MSH3: variants seen among roughly 807,000 people sequenced by gnomAD.
The protein encoded by MSH3 is DNA mismatch repair protein Msh3.
Under a neutral mutation model 123.3 loss-of-function variants are expected in MSH3, and 106 were observed. That is an observed-to-expected ratio of 0.86 (90% CI 0.73 to 1.01). The LOEUF is 1.01. MSH3 is among the 50% of genes least tolerant of loss of function. The probability of loss-of-function intolerance (pLI) is 0.00; values close to 1 mark genes in which losing one functional copy is unlikely to be tolerated. For missense variants in MSH3, 1,459 were observed against 1,347.6 expected (o/e 1.08, Z -1.29); for synonymous variants, 515 against 481.4 (o/e 1.07, Z -0.91).
At chr5:80,863,668 AAAAAG>A (rs897584334) in intron 21 of MSH3, among the ~76,000 whole-genome samples, 1 of 152,094 alleles carries the variant, frequency 6.6e-6, no homozygotes, top group Non-Finnish European at 1.5e-5. Context: ...CAAAAAAAAA[AAAAAG>A]AAAAGAAATA....
chr5:80,862,936 A>G (rs779435199), intron 21 of MSH3, among the ~76,000 whole-genome samples: 3 of 152,240 alleles, frequency 2.0e-5, no homozygotes, highest in Non-Finnish European at 2.9e-5. Context: ...TCAGACAGCA[A>G]TGATCAATAG....
intron 12 of MSH3, among the ~76,000 whole-genome samples, chr5:80,752,379 A>G (rs955827177): frequency 6.6e-6 from 1 of 151,954 alleles, no homozygotes; most frequent in African/African-American, 2.4e-5. Flanking sequence ...ACTGTGCTTT[A>G]TTTTTTATCT....
intron 19 of MSH3, among the ~76,000 whole-genome samples, chr5:80,805,698 G>A (rs779891147): frequency 2.0e-5 from 3 of 146,906 alleles, no homozygotes; most frequent in Admixed American, 7.0e-5. Flanking sequence ...GGGTTCAGGC[G>A]ATTCTCCTGC....
intron 8 of MSH3, among the ~76,000 whole-genome samples, chr5:80,696,037 G>A (rs114194669): frequency 6.6e-5 from 10 of 152,254 alleles, no homozygotes; most frequent in Admixed American, 3.9e-4. Flanking sequence ...CTTGGTTTCC[G>A]TTGAAACCCG....
At chr5:80,730,571 T>A (rs1348735303) in intron 10 of MSH3, among the ~76,000 whole-genome samples, 3 of 152,182 alleles carry the variant, frequency 2.0e-5, no homozygotes, top group African/African-American at 7.2e-5. Flanking sequence ...CATTATACCC[T>A]CATTGGATTC....
At chr5:80,847,555 A>G (rs1745745707) in intron 20 of MSH3, among the ~76,000 whole-genome samples, 2 of 152,202 alleles carry the variant, frequency 1.3e-5, no homozygotes, top group African/African-American at 2.4e-5. Flanking sequence ...CAATGTAGAT[A>G]AAGTCAGTAA....
chr5:80,696,641 T>G (rs1211438241), intron 8 of MSH3, among the ~76,000 whole-genome samples: 1 of 152,208 alleles, frequency 6.6e-6, no homozygotes, highest in African/African-American at 2.4e-5. Context: ...AGTCGTCTTA[T>G]GTTTGTTTGA....
chr5:80,762,682 C>T (rs1050510249), intron 13 of MSH3, among the ~76,000 whole-genome samples: 3 of 151,396 alleles, frequency 2.0e-5, no homozygotes, highest in African/African-American at 7.3e-5. Flanking sequence ...AATGTAACTC[C>T]TTGCCAATTT....
intron 13 of MSH3, among the ~76,000 whole-genome samples, chr5:80,767,067 C>A (rs547794614): frequency 6.6e-6 from 1 of 152,156 alleles, no homozygotes; most frequent in South Asian, 2.1e-4. Flanking sequence ...GCAAACAGAT[C>A]TTAATTTTCT....
At chr5:80,700,438 G>A (rs1055823323) in intron 8 of MSH3, among the ~76,000 whole-genome samples, 2 of 152,266 alleles carry the variant, frequency 1.3e-5, no homozygotes, top group African/African-American at 4.8e-5. Context: ...GTAGGAAAAT[G>A]TTTGCCACTG....
chr5:80,775,576 T>G (rs908120247), intron 15 of MSH3, 118 bp from the exon 16 acceptor site: 1 of 660,642 alleles, frequency 1.5e-6, no homozygotes. Flanking sequence ...AAAACAATAC[T>G]GGACTTATCT....
intron 17 of MSH3, among the ~76,000 whole-genome samples, chr5:80,781,057 G>A (rs1489991735): frequency 6.6e-6 from 1 of 152,218 alleles, no homozygotes; most frequent in Non-Finnish European, 1.5e-5. Flanking sequence ...ACCAGGAAGA[G>A]ATTCCAATTT....
At chr5:80,860,660 C>T (rs749090535) in intron 21 of MSH3, among the ~76,000 whole-genome samples, 1 of 151,654 alleles carries the variant, frequency 6.6e-6, no homozygotes, top group African/African-American at 2.4e-5. Context: ...GGACATTTAT[C>T]CCGTTTGGTG....
rs1430958496 is a variant in MSH3, at chr5:80,743,620, G to A, written c.1654-886G>A. ...AGCACTTTGGGAGGCCGAGGCGGGC[G>A]GATCACGAGGTCAGGAGATCGAGAC... On this transcript the variant is annotated intron_variant, in intron 11 of 23. Coordinates refer to ENST00000265081, the MANE Select transcript of MSH3 (RefSeq NM_002439.5). Among the ~76,000 whole-genome samples the A allele has an allele frequency of 2.3e-4, 14 of 60,432 alleles. 5 individuals carry two copies. The highest frequency in any genetic ancestry group is 3.8e-4 in the African/African-American group (6 of 16,000). 39.6% of individuals were successfully genotyped at this position (60,432 alleles called of 152,430 possible).
At chr5:80,827,598 ATGAG>A (rs34433747) in intron 20 of MSH3, among the ~76,000 whole-genome samples, 23,992 of 152,194 alleles carry the variant, frequency 0.16, 1,978 homozygotes, top group East Asian at 0.24. Context: ...TGAGCACTAA[ATGAG>A]TAAGTTGTTA....
chr5:80,672,479 A>G, intron 5 of MSH3, 119 bp downstream of exon 5: 4 of 776,020 alleles, frequency 5.2e-6, no homozygotes, highest in Non-Finnish European at 8.9e-6. Flanking sequence ...CATTTTACAG[A>G]ACTGAAAGTG....
intron 8 of MSH3, among the ~76,000 whole-genome samples, chr5:80,696,331 G>A (rs1319850722): frequency 6.6e-6 from 1 of 152,192 alleles, no homozygotes; most frequent in Non-Finnish European, 1.5e-5. Context: ...TTTCACCAGT[G>A]AGAATGGAAA....
At chr5:80,693,542 T>TGTATATGTTTATATAAATATAC (rs1255140094) in intron 8 of MSH3, among the ~76,000 whole-genome samples, 2 of 115,004 alleles carry the variant, frequency 1.7e-5, no homozygotes, top group Non-Finnish European at 3.7e-5. Context: ...TATAAATATA[T>TGTATATGTTTATATAAATATAC]ATGCACATGT....
Position 80,874,947 on chromosome 5 carries a change from T to G in MSH3, c.3303-804T>G, listed in dbSNP as rs900990335. ...ACTGTATTTGTTATTTTACCTTTTTTCTAAAAGTGCTTATCACATCAATTC... is the reference window on the plus strand; with the variant it reads ...ACTGTATTTGTTATTTTACCTTTTTGCTAAAAGTGCTTATCACATCAATTC... On this transcript the variant is annotated intron_variant, in intron 23 of 23. Transcript: ENST00000265081. Among the ~76,000 whole-genome samples the G allele has an allele frequency of 7.9e-5, 12 of 152,362 alleles. No individual in the cohort carries two copies. The East Asian group carries it at 2.3e-3, about 29-fold the overall frequency.
Sources: allele counts gnomAD v4.1 joint callset (sites outside exome capture counted in the v4.1 genomes callset), GRCh38; gene constraint gnomAD v4.1.1; transcripts MANE v1.5; gene names NCBI Gene and HGNC (gene_info 2026-07-23, HGNC 2026-07-21).